Variants in GRID2 observed in about 807,000 individuals in gnomAD.
GRID2 encodes glutamate ionotropic receptor delta type subunit 2, also known as glutamate receptor ionotropic, delta-2.
In GRID2, 33 loss-of-function variants were observed where a neutral mutation model predicts 114.8. The observed-to-expected ratio is 0.29, with a 90% CI of 0.22 to 0.38. The LOEUF (loss-of-function observed/expected upper bound fraction) is 0.38, where lower values mean the gene tolerates loss of function less well. Among genes scored for constraint, GRID2 ranks in the 10% least tolerant of loss-of-function variants. The pLI is 1.00. For missense variants in GRID2, 1,184 were observed against 1,257.7 expected (o/e 0.94, Z 0.89); for synonymous variants, 505 against 449.9 (o/e 1.12, Z -1.55).
At chr4:92,395,877 C>T (rs1035869787) in intron 1 of GRID2, among the ~76,000 whole-genome samples, 1 of 151,772 alleles carries the variant, frequency 6.6e-6, no homozygotes, top group Non-Finnish European at 1.5e-5. Flanking sequence ...AGGCCAATAT[C>T]TTTCTGCATC....
intron 2 of GRID2, among the ~76,000 whole-genome samples, chr4:92,846,905 C>T (rs1352098256): frequency 1.3e-5 from 2 of 152,018 alleles, no homozygotes; most frequent in Non-Finnish European, 2.9e-5. Context: ...AGAAAGATTC[C>T]CATGTTCCCA....
intron 8 of GRID2, among the ~76,000 whole-genome samples, chr4:93,261,563 T>C (rs1035067442): frequency 6.6e-6 from 1 of 151,798 alleles, no homozygotes; most frequent in Non-Finnish European, 1.5e-5. Flanking sequence ...ATATACAGAA[T>C]AGAGAGATGC....
At chr4:92,443,935 C>G (rs1243309859) in intron 1 of GRID2, among the ~76,000 whole-genome samples, 1 of 152,128 alleles carries the variant, frequency 6.6e-6, no homozygotes, top group Admixed American at 6.5e-5. Flanking sequence ...TCTCCTTTGT[C>G]TCTCCCAGAA....
At chr4:93,709,493 G>T (rs74772379) in intron 14 of GRID2, among the ~76,000 whole-genome samples, 6,408 of 152,094 alleles carry the variant, frequency 0.042, 219 homozygotes, top group African/African-American at 0.085. Flanking sequence ...TTTCTCTTGC[G>T]GCTTTTAGAA....
At chr4:93,121,138 G>A (rs1286036867) in intron 4 of GRID2, among the ~76,000 whole-genome samples, 1 of 152,034 alleles carries the variant, frequency 6.6e-6, no homozygotes, top group Non-Finnish European at 1.5e-5. Flanking sequence ...TGCTGTGATA[G>A]TTATTTAAAT....
chr4:93,286,521 G>A (rs1579548415), intron 8 of GRID2, among the ~76,000 whole-genome samples: 1 of 152,078 alleles, frequency 6.6e-6, no homozygotes, highest in South Asian at 2.1e-4. Flanking sequence ...AACTTCTCCT[G>A]GGAGCTTCCT....
intron 14 of GRID2, among the ~76,000 whole-genome samples, chr4:93,653,170 G>A (rs1022818066): frequency 6.6e-6 from 1 of 152,092 alleles, no homozygotes; most frequent in Non-Finnish European, 1.5e-5. Context: ...AAAATGGGGG[G>A]AAAAAGTTTG....
At chr4:93,502,410 G>T (rs747351246) in intron 12 of GRID2, among the ~76,000 whole-genome samples, 1 of 151,816 alleles carries the variant, frequency 6.6e-6, no homozygotes, top group Non-Finnish European at 1.5e-5. Context: ...CAAGGTGTGA[G>T]ATAAAACTGA....
In GRID2 at chr4:93,022,894, TTG is replaced by T. The variant is rs543112591; in HGVS notation, c.245-62097_245-62096del. Among the ~76,000 whole-genome samples, 15 of 151,252 alleles carry T rather than the reference TTG, an allele frequency of 9.9e-5. No homozygotes were observed. The South Asian group carries it at 3.1e-3, about 31-fold the overall frequency. On this transcript the variant is annotated intron_variant, in intron 2 of 15. Coordinates refer to ENST00000282020, the MANE Select transcript of GRID2 (RefSeq NM_001510.4). The stretch of plus-strand genomic sequence containing the variant: ...TCATGTTCATTTAAAAAAAATTCAC[TTG>T]TGTCGTTTTTCAATTCAGAATTTAA...
intron 2 of GRID2, among the ~76,000 whole-genome samples, chr4:92,942,281 A>G (rs1441981894): frequency 2.6e-5 from 4 of 151,724 alleles, no homozygotes; most frequent in African/African-American, 9.7e-5. Context: ...TATTTAGGAT[A>G]GTTAGCTCTT....
In GRID2 at chr4:92,953,273, T is replaced by C. The variant is rs117046579; in HGVS notation, c.245-131722T>C. 3.7e-3 allele frequency among the ~76,000 whole-genome samples: 566 copies of C among 152,290 alleles called. 17 individuals are homozygous for C. In the East Asian group the frequency reaches 0.059, roughly 16 times the overall value. On this transcript the variant is annotated intron_variant, in intron 2 of 15. Coordinates refer to ENST00000282020, the MANE Select transcript of GRID2 (RefSeq NM_001510.4). Reference sequence around the variant, plus strand: ...GTAATAGCAGGTAACCACAATGCTTTAGTGATCTTATAAAAATGATGTCGA... The same window carrying C: ...GTAATAGCAGGTAACCACAATGCTTCAGTGATCTTATAAAAATGATGTCGA...
At position 92,770,017 on chromosome 4, in the gene GRID2, G is replaced by C. The variant is rs375521050; in HGVS notation, c.244+179731G>C. Among the ~76,000 whole-genome samples the C allele has an allele frequency of 2.3e-4, 35 of 152,264 alleles. 1 individual carries two copies. The highest frequency in any genetic ancestry group is 8.2e-4 in the African/African-American group (34 of 41,544). ...AGATTTAATTTCTATTGCATTGTTA[G>C]GCTGCAAATTTTCCAAACTTTTATC... On this transcript the variant is annotated intron_variant, in intron 2 of 15. Coordinates refer to ENST00000282020, the MANE Select transcript of GRID2 (RefSeq NM_001510.4).
chr4:93,676,924 G>A (rs928771155), intron 14 of GRID2, among the ~76,000 whole-genome samples: 5 of 152,052 alleles, frequency 3.3e-5, no homozygotes, highest in African/African-American at 7.2e-5. Context: ...CAGACAGTGG[G>A]AGCAGGACAG....
intron 2 of GRID2, among the ~76,000 whole-genome samples, chr4:92,815,942 A>G (rs1740878445): frequency 6.8e-6 from 1 of 146,854 alleles, no homozygotes; most frequent in South Asian, 2.1e-4. Context: ...AAAAAAAGGA[A>G]AGAAAAAAAC....
intron 2 of GRID2, among the ~76,000 whole-genome samples, chr4:92,620,746 A>C (rs62307904): frequency 0.16 from 23,315 of 150,254 alleles, 2,210 homozygotes; most frequent in South Asian, 0.28. Context: ...AATATATGAC[A>C]GTATTAGGAC....
intron 4 of GRID2, among the ~76,000 whole-genome samples, chr4:93,200,566 A>AAAGCAAAC (rs1554006816): frequency 6.7e-6 from 1 of 149,762 alleles, no homozygotes; most frequent in Non-Finnish European, 1.5e-5. Flanking sequence ...ACTCCGTCTC[A>AAAGCAAAC]AAACAAACAA....
intron 13 of GRID2, among the ~76,000 whole-genome samples, chr4:93,578,515 C>T (rs1391716749): frequency 6.6e-6 from 1 of 150,480 alleles, no homozygotes; most frequent in African/African-American, 2.4e-5. Flanking sequence ...AATCACATCA[C>T]ATTACAAAGC....
chr4:92,600,791 C>T (rs1260103335), intron 2 of GRID2, among the ~76,000 whole-genome samples: 1 of 152,322 alleles, frequency 6.6e-6, no homozygotes, highest in South Asian at 2.1e-4. Context: ...GGGAAACCGA[C>T]CTGATGCTAG....
In GRID2 at chr4:92,622,662, A is replaced by G. The variant is rs537101729; in HGVS notation, c.244+32376A>G. Reference sequence around the variant, plus strand: ...TTATCAGATAGCATTGATAGAGTGTATTATTTACCACTTGGTCTGGATCAG... The same window carrying G: ...TTATCAGATAGCATTGATAGAGTGTGTTATTTACCACTTGGTCTGGATCAG... On this transcript the variant is annotated intron_variant, in intron 2 of 15. Transcript: ENST00000282020. 2.0e-5 allele frequency among the ~76,000 whole-genome samples: 3 copies of G among 151,854 alleles called. No individual in the cohort carries two copies. In the South Asian group the frequency reaches 6.2e-4, roughly 31 times the overall value.
Sources: gnomAD v4.1 joint callset for allele counts (sites outside exome capture counted in the v4.1 genomes callset) on GRCh38, gnomAD v4.1.1 for gene constraint, MANE v1.5 for transcripts, NCBI Gene and HGNC (gene_info 2026-07-23, HGNC 2026-07-21) for gene names.